The following RASSF8 variants were observed in gnomAD, a reference collection of about 807,000 sequenced individuals.
RASSF8 encodes the protein Ras association domain family member 8.
RASSF8 carries 22 observed loss-of-function variants against 48.5 expected under a neutral mutation model. The observed-to-expected ratio is 0.45, with a 90% CI of 0.32 to 0.65. The LOEUF (loss-of-function observed/expected upper bound fraction) is 0.65, where lower values mean the gene tolerates loss of function less well. Among genes scored for constraint, RASSF8 ranks in the 30% least tolerant of loss-of-function variants. The pLI is 0.03. For synonymous variants in RASSF8, 127 were observed against 171.5 expected (o/e 0.74, Z 2.03); for missense variants, 418 against 489.2 (o/e 0.85, Z 1.37).
chr12:26,044,186 T>C (rs1943324655), intron 2 of RASSF8, among the ~76,000 whole-genome samples: 2 of 152,138 alleles, frequency 1.3e-5, no homozygotes, highest in South Asian at 4.1e-4. Flanking sequence ...GCTGGAGATT[T>C]TTGTGACTGC....
intron 2 of RASSF8, among the ~76,000 whole-genome samples, chr12:26,038,124 A>G (rs1157802936): frequency 6.6e-6 from 1 of 152,188 alleles, no homozygotes; most frequent in Admixed American, 6.5e-5. Flanking sequence ...CGTGTTGTGT[A>G]TGCTTTGGAT....
intron 2 of RASSF8, among the ~76,000 whole-genome samples, chr12:26,053,668 A>C (rs1440657074): frequency 6.6e-6 from 1 of 152,200 alleles, no homozygotes; most frequent in Non-Finnish European, 1.5e-5. Context: ...AACATCTCAC[A>C]GGCCCTCATA....
chr12:26,012,721 C>T lies in RASSF8; in HGVS notation c.-109+17591C>T, dbSNP rs532661851. On this transcript the variant is annotated intron_variant, in intron 2 of 5. Transcript: ENST00000689635. ...TTTGAGATAGGGTCTCACTCTGTTG[C>T]CCAGGCTAGAGTGCAGTGGTATGAA... Among the ~76,000 whole-genome samples, 389 of 141,684 alleles carry T rather than the reference C, an allele frequency of 2.7e-3. 1 individual carries two copies. Among genetic ancestry groups the T allele is most frequent in the African/African-American group, 0.01 (376 of 37,484 alleles). 93.0% of individuals were successfully genotyped at this position (141,684 alleles called of 152,430 possible). A position where few individuals can be genotyped will look rare whatever the true frequency, so the allele number is the denominator to read the frequency against.
At chr12:26,048,873 C>T (rs1943430439) in intron 2 of RASSF8, among the ~76,000 whole-genome samples, 1 of 152,146 alleles carries the variant, frequency 6.6e-6, no homozygotes, top group African/African-American at 2.4e-5. Context: ...CCTGCCTCAG[C>T]CTCCCTAGTA....
chr12:26,078,551 G>A (rs1179158771), intron 5 of RASSF8, among the ~76,000 whole-genome samples: 4 of 152,174 alleles, frequency 2.6e-5, no homozygotes, highest in Non-Finnish European at 4.4e-5. Context: ...GTACTCACTT[G>A]ATCATTCTCA....
intron 1 of RASSF8, among the ~76,000 whole-genome samples, chr12:25,962,699 C>T (rs1258459851): frequency 3.3e-5 from 5 of 152,118 alleles, no homozygotes; most frequent in Admixed American, 1.3e-4. Context: ...GCTGGGACTA[C>T]AGGTGTGTGC....
intron 3 of RASSF8, among the ~76,000 whole-genome samples, chr12:26,061,649 C>T (rs1943745768): frequency 6.6e-6 from 1 of 151,984 alleles, no homozygotes; most frequent in Non-Finnish European, 1.5e-5. Context: ...TCCATGTGGT[C>T]AAATACGCTA....
chr12:26,070,139 T>A lies in RASSF8; in HGVS notation c.*1321T>A. ...TGGTACAGTATAATTAAGACTTTAA[T>A]CTGAAATTTAAAGTAGTTTTAATTC... On this transcript the variant is annotated 3_prime_UTR_variant, in exon 6 of 6. Coordinates refer to ENST00000689635, the MANE Select transcript of RASSF8 (RefSeq NM_001394098.1). 1 of 967,400 alleles carries A rather than the reference T, an allele frequency of 1.0e-6. No homozygotes were observed. Among genetic ancestry groups the A allele is most frequent in the Non-Finnish European group, 1.2e-6 (1 of 813,486 alleles). The allele number at this position is 967,400 out of a possible 1,614,324, so 59.9% of individuals were successfully genotyped here.
chr12:25,963,632 C>T (rs1312542862), intron 1 of RASSF8, among the ~76,000 whole-genome samples: 3 of 152,090 alleles, frequency 2.0e-5, no homozygotes, highest in African/African-American at 7.2e-5. Context: ...CACTTTGGAG[C>T]TGATTCAAGT....
chr12:26,043,612 G>A (rs1943312109), intron 2 of RASSF8, among the ~76,000 whole-genome samples: 1 of 152,208 alleles, frequency 6.6e-6, no homozygotes. Context: ...CAGCAGTTTT[G>A]TTCCTAAGTA....
chr12:26,009,510 C>T (rs1010485116), intron 2 of RASSF8, among the ~76,000 whole-genome samples: 1 of 152,084 alleles, frequency 6.6e-6, no homozygotes, highest in Admixed American at 6.6e-5. Flanking sequence ...TCCAAATGAC[C>T]CACGTTGGTA....
Position 26,016,136 on chromosome 12 carries a change from A to C in RASSF8, c.-109+21006A>C, listed in dbSNP as rs1008029630. Among the ~76,000 whole-genome samples, 7 of 152,022 alleles carry C rather than the reference A, an allele frequency of 4.6e-5. No homozygotes were observed. The South Asian group carries it at 1.2e-3, about 27-fold the overall frequency. On this transcript the variant is annotated intron_variant, in intron 2 of 5. Transcript: ENST00000689635. ...AAGAGCTGATTTTCCCTTGAAATGC[A>C]TGGAAAATTCATTCATTTTTGTTTG...
At chr12:25,998,636 C>A (rs967171333) in intron 2 of RASSF8, among the ~76,000 whole-genome samples, 1 of 152,228 alleles carries the variant, frequency 6.6e-6, no homozygotes, top group South Asian at 2.1e-4. Flanking sequence ...CGTGAGCCAC[C>A]GCGCCTGGCA....
At chr12:26,079,387 A>G (rs1944098208) in exon 6 of RASSF8, 1 of 186,072 alleles carries the variant, frequency 5.4e-6, no homozygotes, top group East Asian at 1.3e-4. Flanking sequence ...GACTGAGACC[A>G]TCCTGGCTAA....
intron 2 of RASSF8, among the ~76,000 whole-genome samples, chr12:26,043,968 G>A (rs961034578): frequency 1.3e-5 from 2 of 152,186 alleles, no homozygotes; most frequent in Admixed American, 6.5e-5. Context: ...GTGATTAGAC[G>A]AGTGTGTTCA....
In RASSF8 at chr12:25,980,399, C is replaced by T. The variant is rs543563181; in HGVS notation, c.-202-14638C>T. Among the ~76,000 whole-genome samples the T allele has an allele frequency of 2.6e-5, 4 of 152,310 alleles. No homozygotes were observed. In the East Asian group the frequency reaches 7.7e-4, roughly 29 times the overall value. Reference sequence around the variant, plus strand: ...GATTAAAGAGTAAATGCAGTAACTGCTATGTTTTCTGCATGGGGTAGGAAA... The same window carrying T: ...GATTAAAGAGTAAATGCAGTAACTGTTATGTTTTCTGCATGGGGTAGGAAA... On this transcript the variant is annotated intron_variant, in intron 1 of 5. Transcript: ENST00000689635.
chr12:25,960,107 T>C (rs1351664797), intron 1 of RASSF8, among the ~76,000 whole-genome samples: 2 of 152,108 alleles, frequency 1.3e-5, no homozygotes, highest in Non-Finnish European at 2.9e-5. Context: ...GATTTTCCAG[T>C]AGATTGTGGC....
At chr12:25,998,186 C>T (rs1942174734) in intron 2 of RASSF8, among the ~76,000 whole-genome samples, 1 of 152,094 alleles carries the variant, frequency 6.6e-6, no homozygotes, top group African/African-American at 2.4e-5. Context: ...TATTTGATGG[C>T]ATTTTGTACT....
At chr12:25,963,919 C>G (rs1941296184) in intron 1 of RASSF8, among the ~76,000 whole-genome samples, 1 of 152,220 alleles carries the variant, frequency 6.6e-6, no homozygotes, top group Admixed American at 6.5e-5. Context: ...TTCCCCACTC[C>G]TGATTTTCTA....
Sources: allele counts gnomAD v4.1 joint callset (sites outside exome capture counted in the v4.1 genomes callset), GRCh38; gene constraint gnomAD v4.1.1; transcripts MANE v1.5; gene names NCBI Gene and HGNC (gene_info 2026-07-23, HGNC 2026-07-21).